The following C12orf42 variants were observed in gnomAD, a reference collection of about 807,000 sequenced individuals.
The protein encoded by C12orf42 is chromosome 12 open reading frame 42.
A neutral mutation model predicts 21.6 loss-of-function variants in C12orf42; 25 were observed. The ratio of observed to expected loss-of-function variants is 1.16; its 90% confidence interval spans 0.84 to 1.62. The LOEUF is 1.62. Among genes scored for constraint, C12orf42 ranks in the 40% most tolerant of loss-of-function variants. C12orf42 has a pLI of 0.00. For synonymous variants in C12orf42, 174 were observed against 175.0 expected (o/e 0.99, Z 0.05); for missense variants, 483 against 459.3 (o/e 1.05, Z -0.47).
intron 4 of C12orf42, among the ~76,000 whole-genome samples, chr12:103,350,792 C>A (rs2043041672): frequency 6.6e-6 from 1 of 152,120 alleles, no homozygotes; most frequent in African/African-American, 2.4e-5. Flanking sequence ...AGTCCATTTT[C>A]TCTCTGTATT....
At chr12:103,066,391 C>A in the C12orf42 span, among the ~76,000 whole-genome samples, 1,970 of 152,288 alleles carry the variant, frequency 0.013, 43 homozygotes, top group African/African-American at 0.045. Flanking sequence ...ACTCCTGCCA[C>A]CCTGCCTTAT....
the C12orf42 span, among the ~76,000 whole-genome samples, chr12:103,088,165 G>A: frequency 1.3e-5 from 2 of 152,200 alleles, no homozygotes; most frequent in African/African-American, 4.8e-5. Flanking sequence ...TAGAATGTTA[G>A]GAGAATTTTC....
At chr12:103,375,698 G>A (rs1322893692) in intron 3 of C12orf42, among the ~76,000 whole-genome samples, 1 of 152,020 alleles carries the variant, frequency 6.6e-6, no homozygotes, top group African/African-American at 2.4e-5. Flanking sequence ...TAATAACATA[G>A]TTATAAAGAA....
the C12orf42 span, among the ~76,000 whole-genome samples, chr12:103,222,224 G>A: frequency 2.0e-5 from 3 of 152,096 alleles, no homozygotes. Flanking sequence ...AGTCAGCGAA[G>A]GGAGATAAGG....
the C12orf42 span, among the ~76,000 whole-genome samples, chr12:103,174,795 G>T: frequency 6.6e-6 from 1 of 152,028 alleles, no homozygotes; most frequent in Admixed American, 6.6e-5. Flanking sequence ...ATAAAATTCA[G>T]TGACTAGTGG....
the C12orf42 span, among the ~76,000 whole-genome samples, chr12:103,100,677 A>G: frequency 2.6e-5 from 4 of 152,184 alleles, no homozygotes; most frequent in African/African-American, 4.8e-5. Context: ...ATGATCATTA[A>G]TTAGAGTGTG....
chr12:103,494,286 A>G (rs1190966584), intron 1 of C12orf42, among the ~76,000 whole-genome samples: 3 of 152,208 alleles, frequency 2.0e-5, no homozygotes, highest in Admixed American at 2.0e-4. Flanking sequence ...CACTTGTTCT[A>G]AACCTGTTCA....
the C12orf42 span, among the ~76,000 whole-genome samples, chr12:103,146,600 GAAAGAA>G: frequency 6.7e-6 from 1 of 149,994 alleles, no homozygotes; most frequent in African/African-American, 2.5e-5. Context: ...AAGAAAGAAA[GAAAGAA>G]AGAAAAAGAA....
downstream of C12orf42, chr12:103,268,426 A>C (rs1333075045): frequency 1.3e-5 from 2 of 151,762 alleles, no homozygotes. Context: ...GTATTAGCAG[A>C]GTCTGTTTTA....
chr12:103,106,287 C>T, the C12orf42 span, among the ~76,000 whole-genome samples: 162 of 151,796 alleles, frequency 1.1e-3, 1 homozygote, highest in African/African-American at 3.7e-3. Context: ...CTCACAGACC[C>T]TCATTGAAAA....
chr12:103,144,934 T>C, the C12orf42 span, among the ~76,000 whole-genome samples: 2 of 152,164 alleles, frequency 1.3e-5, no homozygotes, highest in Non-Finnish European at 2.9e-5. Context: ...TATATCATTG[T>C]GTCCTTCCCT....
the C12orf42 span, among the ~76,000 whole-genome samples, chr12:103,105,638 T>C: frequency 6.6e-6 from 1 of 151,556 alleles, no homozygotes; most frequent in African/African-American, 2.4e-5. Context: ...ACCTCCCATA[T>C]CTAAAATAAA....
intron 4 of C12orf42, among the ~76,000 whole-genome samples, chr12:103,282,965 T>C (rs2036226743): frequency 6.6e-6 from 1 of 152,158 alleles, no homozygotes; most frequent in South Asian, 2.1e-4. Flanking sequence ...CCATAGAAAC[T>C]ACTGTCAGAG....
intron 1 of C12orf42, among the ~76,000 whole-genome samples, chr12:103,478,888 G>A (rs1479223115): frequency 1.3e-5 from 2 of 152,108 alleles, no homozygotes; most frequent in African/African-American, 4.8e-5. Flanking sequence ...CAGCAAGCTA[G>A]TTAATTCCAA....
chr12:103,483,641 GT>G (rs1291566318), intron 1 of C12orf42, among the ~76,000 whole-genome samples: 6 of 151,680 alleles, frequency 4.0e-5, no homozygotes, highest in South Asian at 4.2e-4. Context: ...TCAGGTTTAT[GT>G]TTTTTTTATT....
chr12:103,077,542 C>T, the C12orf42 span, among the ~76,000 whole-genome samples: 1 of 152,142 alleles, frequency 6.6e-6, no homozygotes, highest in African/African-American at 2.4e-5. Flanking sequence ...CAGCTGACCC[C>T]CAGACCCTGT....
At chr12:103,262,033 T>G (rs1450227931) in intron 10 of C12orf42, among the ~76,000 whole-genome samples, 1 of 152,208 alleles carries the variant, frequency 6.6e-6, no homozygotes, top group East Asian at 1.9e-4. Context: ...TTTAAAAATT[T>G]TAAGTATGGT....
chr12:103,425,457 G>A (rs1959001383), intron 2 of C12orf42, among the ~76,000 whole-genome samples: 1 of 152,120 alleles, frequency 6.6e-6, no homozygotes, highest in Non-Finnish European at 1.5e-5. Context: ...CATCTGGCGG[G>A]TGCCCCTCTG....
chr12:103,158,888 AAAT>A, the C12orf42 span, among the ~76,000 whole-genome samples: 1 of 151,940 alleles, frequency 6.6e-6, no homozygotes, highest in African/African-American at 2.4e-5. Flanking sequence ...AAAAAAAAAA[AAAT>A]GGATTGATAG....
Sources: gnomAD v4.1 joint callset for allele counts (sites outside exome capture counted in the v4.1 genomes callset) on GRCh38, gnomAD v4.1.1 for gene constraint, MANE v1.5 for transcripts, NCBI Gene and HGNC (gene_info 2026-07-23, HGNC 2026-07-21) for gene names.